Variants in MACROD2 observed in about 807,000 individuals in gnomAD.
MACROD2 encodes ADP-ribose glycohydrolase MACROD2.
In MACROD2, 36 loss-of-function variants were observed where a neutral mutation model predicts 70.4. The ratio of observed to expected loss-of-function variants is 0.51; its 90% CI spans 0.39 to 0.68. MACROD2 has a LOEUF of 0.68. Ranked by LOEUF, MACROD2 falls within the 30% of genes least tolerant of loss-of-function variation. The pLI is 0.00. For missense variants in MACROD2, 496 were observed against 538.4 expected, an observed-to-expected ratio of 0.92 and a Z score of 0.78; for synonymous variants, 172 against 178.8, an observed-to-expected ratio of 0.96 and a Z score of 0.30.
intron 3 of MACROD2, among the ~76,000 whole-genome samples, chr20:14,148,308 G>A (rs2054968298): frequency 1.3e-5 from 2 of 152,186 alleles, no homozygotes; most frequent in Admixed American, 6.5e-5. Context: ...ATGAATGAGA[G>A]TAGGTAAGTA....
At chr20:14,827,251 T>C (rs78900941) in intron 5 of MACROD2, among the ~76,000 whole-genome samples, 10 of 151,000 alleles carry the variant, frequency 6.6e-5, no homozygotes, top group Non-Finnish European at 8.9e-5. Flanking sequence ...TGTATTGATA[T>C]CCTTGGGATT....
At chr20:14,913,443 T>C (rs1228477898) in intron 5 of MACROD2, among the ~76,000 whole-genome samples, 1 of 152,076 alleles carries the variant, frequency 6.6e-6, no homozygotes, top group Non-Finnish European at 1.5e-5. Context: ...TCCCAACACA[T>C]TGGAAAGCCA....
intron 8 of MACROD2, among the ~76,000 whole-genome samples, chr20:15,709,638 G>A (rs778648640): frequency 3.9e-5 from 6 of 152,120 alleles, no homozygotes; most frequent in African/African-American, 9.7e-5. Flanking sequence ...CTGCACTCCC[G>A]CCTAGGTGAC....
chr20:15,309,654 A>G (rs1032590223), intron 6 of MACROD2, among the ~76,000 whole-genome samples: 6 of 152,234 alleles, frequency 3.9e-5, no homozygotes, highest in South Asian at 2.1e-4. Flanking sequence ...ATAGAGTGGA[A>G]TACAATAACA....
chr20:15,110,405 C>T (rs145337739), intron 5 of MACROD2, among the ~76,000 whole-genome samples: 10 of 152,184 alleles, frequency 6.6e-5, no homozygotes, highest in South Asian at 2.1e-4. Flanking sequence ...TATTGTCATA[C>T]AATTTGATGA....
chr20:15,740,636 T>C (rs1269814711), intron 8 of MACROD2, among the ~76,000 whole-genome samples: 1 of 152,118 alleles, frequency 6.6e-6, no homozygotes, highest in Non-Finnish European at 1.5e-5. Context: ...CATTTGGGGT[T>C]CTATAGATAG....
chr20:15,002,264 A>G (rs1424900429), intron 5 of MACROD2, among the ~76,000 whole-genome samples: 1 of 152,064 alleles, frequency 6.6e-6, no homozygotes, highest in African/African-American at 2.4e-5. Context: ...CACCATATCC[A>G]CACAAACATC....
chr20:15,700,620 G>C (rs1195679440), intron 8 of MACROD2, among the ~76,000 whole-genome samples: 2 of 152,142 alleles, frequency 1.3e-5, no homozygotes, highest in African/African-American at 4.8e-5. Context: ...GCATTTACAT[G>C]TAGCTTGGCC....
At chr20:15,259,992 T>C (rs947991702) in intron 6 of MACROD2, among the ~76,000 whole-genome samples, 2 of 151,826 alleles carry the variant, frequency 1.3e-5, no homozygotes, top group African/African-American at 4.8e-5. Context: ...GAAATTTTTT[T>C]TATTTAAATT....
chr20:14,940,970 T>A (rs1473192457), intron 5 of MACROD2, among the ~76,000 whole-genome samples: 1 of 152,192 alleles, frequency 6.6e-6, no homozygotes, highest in South Asian at 2.1e-4. Flanking sequence ...GTAGAATTAG[T>A]GTTAGTTCTT....
intron 5 of MACROD2, among the ~76,000 whole-genome samples, chr20:14,735,969 CTAGA>C (rs1443241506): frequency 6.6e-6 from 1 of 152,016 alleles, no homozygotes; most frequent in African/African-American, 2.4e-5. Flanking sequence ...AATTCTACGC[CTAGA>C]TATAGATGCC....
At chr20:15,631,892 C>A (rs1207024701) in intron 8 of MACROD2, among the ~76,000 whole-genome samples, 1 of 152,184 alleles carries the variant, frequency 6.6e-6, no homozygotes, top group Non-Finnish European at 1.5e-5. Flanking sequence ...AATCCCAGCA[C>A]TTTGGGAGGC....
chr20:15,764,588 C>T lies in MACROD2; in HGVS notation c.646-98157C>T, dbSNP rs139886252. Among the ~76,000 whole-genome samples the T allele has an allele frequency of 4.7e-3, 721 of 152,234 alleles. 8 individuals carry two copies. Among genetic ancestry groups the T allele is most frequent in the African/African-American group, 0.016 (670 of 41,534 alleles). On this transcript the variant is annotated intron_variant, in intron 8 of 17. Coordinates refer to ENST00000684519, the MANE Select transcript of MACROD2 (RefSeq NM_001351661.2). ...TGCACTCCACCTCCAATCCATGTGC[C>T]AGCCACCTACCAGTTTTATTATTAA...
At chr20:14,882,278 A>G (rs1007771938) in intron 5 of MACROD2, among the ~76,000 whole-genome samples, 5 of 152,176 alleles carry the variant, frequency 3.3e-5, no homozygotes, top group East Asian at 1.9e-4. Context: ...TTTTGCAACT[A>G]TCCCATTCCC....
intron 5 of MACROD2, among the ~76,000 whole-genome samples, chr20:14,731,487 A>G (rs1313749421): frequency 6.6e-6 from 1 of 152,186 alleles, no homozygotes; most frequent in Non-Finnish European, 1.5e-5. Flanking sequence ...AACTGGTGGG[A>G]CATATATTTA....
At chr20:16,027,195 T>C (rs2067092778) in intron 15 of MACROD2, among the ~76,000 whole-genome samples, 1 of 152,146 alleles carries the variant, frequency 6.6e-6, no homozygotes, top group Non-Finnish European at 1.5e-5. Flanking sequence ...GAAATGGAAT[T>C]AGCTTAGCAG....
chr20:15,752,779 C>T (rs2051291950), intron 8 of MACROD2, among the ~76,000 whole-genome samples: 1 of 151,994 alleles, frequency 6.6e-6, no homozygotes, highest in Non-Finnish European at 1.5e-5. Flanking sequence ...ATCACAGTAC[C>T]TCACCAAGAT....
chr20:16,042,250 C>T (rs971553339), intron 16 of MACROD2, among the ~76,000 whole-genome samples: 2 of 151,974 alleles, frequency 1.3e-5, no homozygotes, highest in African/African-American at 4.8e-5. Flanking sequence ...GCATGCATTG[C>T]CTGTGAGAAC....
intron 3 of MACROD2, among the ~76,000 whole-genome samples, chr20:14,284,979 A>G (rs1039197082): frequency 6.6e-5 from 10 of 152,222 alleles, no homozygotes. Flanking sequence ...TGAAAAATGT[A>G]AATTCTTAGA....
Sources: allele counts gnomAD v4.1 joint callset (sites outside exome capture counted in the v4.1 genomes callset), GRCh38; gene constraint gnomAD v4.1.1; transcripts MANE v1.5; gene names NCBI Gene and HGNC (gene_info 2026-07-23, HGNC 2026-07-21).